Variants in AUTS2 observed in about 807,000 individuals in gnomAD.
The protein encoded by AUTS2 is activator of transcription and developmental regulator AUTS2, also known as autism susceptibility gene 2 protein.
In AUTS2, 17 loss-of-function variants were observed where a neutral mutation model predicts 112.4. The observed-to-expected ratio is 0.15, with a 90% CI of 0.10 to 0.23. The LOEUF (loss-of-function observed/expected upper bound fraction) is 0.23. AUTS2 is among the 10% of genes least tolerant of loss of function. The pLI, the probability that AUTS2 is intolerant of heterozygous loss-of-function variation, is 1.00. For missense variants in AUTS2, 1,510 were observed against 1,701.6 expected (o/e 0.89, Z 1.98); for synonymous variants, 751 against 702.7 (o/e 1.07, Z -1.09).
chr7:69,923,122 A>T (rs552072500), intron 2 of AUTS2, among the ~76,000 whole-genome samples: 1 of 152,296 alleles, frequency 6.6e-6, no homozygotes, highest in South Asian at 2.1e-4. Flanking sequence ...ACTTGACATG[A>T]AGTAGACTGT....
chr7:70,358,093 T>G (rs1377931905), intron 4 of AUTS2, among the ~76,000 whole-genome samples: 1 of 152,214 alleles, frequency 6.6e-6, no homozygotes. Context: ...GACACGATTT[T>G]GGACAACGTT....
At chr7:70,271,829 T>TCTGTAA (rs1172426972) in intron 4 of AUTS2, among the ~76,000 whole-genome samples, 1 of 152,208 alleles carries the variant, frequency 6.6e-6, no homozygotes, top group Non-Finnish European at 1.5e-5. Flanking sequence ...ACATGATAGG[T>TCTGTAA]CTGTAACAAA....
chr7:69,848,506 GCA>G (rs763340121), intron 1 of AUTS2, among the ~76,000 whole-genome samples: 18 of 152,220 alleles, frequency 1.2e-4, no homozygotes, highest in East Asian at 5.8e-4. Flanking sequence ...GTGTGTGTGT[GCA>G]CACACACAGT....
chr7:69,726,553 A>C (rs994670111), intron 1 of AUTS2, among the ~76,000 whole-genome samples: 2 of 151,268 alleles, frequency 1.3e-5, no homozygotes, highest in African/African-American at 4.9e-5. Context: ...TTTTTTTTTA[A>C]CGTAAGTGCC....
Position 70,463,098 on chromosome 7 carries a change from C to G in AUTS2, c.690+27317C>G, listed in dbSNP as rs548335616. On this transcript the variant is annotated intron_variant, in intron 5 of 18. Coordinates refer to ENST00000342771, the MANE Select transcript of AUTS2 (RefSeq NM_015570.4). ...AGAAAGCCGTAGGCCTGTGAGTCTC[C>G]AGATGAAAGGTGGGTTTAGATCTAC... is the stretch of plus-strand genomic sequence containing the variant. Among the ~76,000 whole-genome samples the G allele has an allele frequency of 1.3e-4, 16 of 125,412 alleles. No homozygotes were observed. In the South Asian group the frequency reaches 4.1e-3, roughly 32 times the overall value. 82.3% of individuals were successfully genotyped at this position (125,412 alleles called of 152,430 possible). A position where few individuals can be genotyped will look rare whatever the true frequency, so the allele number is the denominator to read the frequency against.
chr7:69,865,208 G>T (rs73168739), intron 1 of AUTS2, among the ~76,000 whole-genome samples: 15,291 of 151,940 alleles, frequency 0.1, 1,223 homozygotes, highest in African/African-American at 0.22. Flanking sequence ...AGCAAGTGGG[G>T]AGTGGGAGTT....
At chr7:70,197,432 G>A (rs997261730) in intron 4 of AUTS2, among the ~76,000 whole-genome samples, 11 of 147,806 alleles carry the variant, frequency 7.4e-5, no homozygotes, top group Non-Finnish European at 1.3e-4. Flanking sequence ...CTGAGGTACC[G>A]GGTTCATCTC....
chr7:70,583,605 G>A (rs551310369), intron 5 of AUTS2, among the ~76,000 whole-genome samples: 1 of 152,346 alleles, frequency 6.6e-6, no homozygotes, highest in East Asian at 1.9e-4. Context: ...AGAGTCCCCA[G>A]CTCTGGGAGC....
chr7:70,374,076 A>C (rs1792972749), intron 4 of AUTS2, among the ~76,000 whole-genome samples: 1 of 152,178 alleles, frequency 6.6e-6, no homozygotes, highest in Admixed American at 6.5e-5. Context: ...GCAAGTTATA[A>C]ATATATTTTT....
chr7:69,936,225 C>T (rs967508827), intron 2 of AUTS2, among the ~76,000 whole-genome samples: 4 of 152,006 alleles, frequency 2.6e-5, no homozygotes, highest in African/African-American at 9.7e-5. Context: ...GTTTTTCCTC[C>T]AAAGCTTTAG....
intron 2 of AUTS2, among the ~76,000 whole-genome samples, chr7:70,065,285 A>T (rs888637351): frequency 7.2e-5 from 11 of 152,206 alleles, no homozygotes; most frequent in African/African-American, 2.7e-4. Context: ...AAACCAGTGC[A>T]TTACAGTAAC....
intron 3 of AUTS2, among the ~76,000 whole-genome samples, chr7:70,121,376 C>G (rs1006384346): frequency 6.6e-6 from 1 of 151,834 alleles, no homozygotes; most frequent in Non-Finnish European, 1.5e-5. Context: ...CTTCTCACAC[C>G]AAAGAGCATT....
intron 2 of AUTS2, among the ~76,000 whole-genome samples, chr7:69,934,783 A>G (rs1172165303): frequency 6.6e-6 from 1 of 152,144 alleles, no homozygotes; most frequent in South Asian, 2.1e-4. Flanking sequence ...GTCTTGACAG[A>G]TGCTGTCGTT....
At chr7:69,755,783 C>T (rs904569169) in intron 1 of AUTS2, among the ~76,000 whole-genome samples, 1 of 152,044 alleles carries the variant, frequency 6.6e-6, no homozygotes, top group Non-Finnish European at 1.5e-5. Flanking sequence ...TGGATGGACA[C>T]TTTGGGCATG....
intron 5 of AUTS2, among the ~76,000 whole-genome samples, chr7:70,660,576 G>C (rs1807017944): frequency 6.6e-6 from 1 of 152,204 alleles, no homozygotes; most frequent in Non-Finnish European, 1.5e-5. Flanking sequence ...CCCTTCCTTT[G>C]TCTCTTCCCC....
chr7:70,006,907 A>G (rs1046605626), intron 2 of AUTS2, among the ~76,000 whole-genome samples: 4 of 152,046 alleles, frequency 2.6e-5, no homozygotes, highest in South Asian at 4.1e-4. Context: ...TTGCTTCCAT[A>G]AGAATTTGAG....
At chr7:70,625,169 G>T (rs1804873132) in intron 5 of AUTS2, among the ~76,000 whole-genome samples, 1 of 152,118 alleles carries the variant, frequency 6.6e-6, no homozygotes, top group Non-Finnish European at 1.5e-5. Flanking sequence ...TAATGAATTA[G>T]AGATTCTCTT....
chr7:69,964,184 A>C (rs781707602), intron 2 of AUTS2, among the ~76,000 whole-genome samples: 6 of 152,176 alleles, frequency 3.9e-5, no homozygotes, highest in Non-Finnish European at 5.9e-5. Context: ...TCTTCTATGC[A>C]GTGGCATGCT....
chr7:70,035,881 A>T (rs144746902), intron 2 of AUTS2, among the ~76,000 whole-genome samples: 1 of 152,208 alleles, frequency 6.6e-6, no homozygotes, highest in Non-Finnish European at 1.5e-5. Flanking sequence ...TATGTCAACT[A>T]TGAGGCAAGC....
Sources: allele counts gnomAD v4.1 joint callset (sites outside exome capture counted in the v4.1 genomes callset), GRCh38; gene constraint gnomAD v4.1.1; transcripts MANE v1.5; gene names NCBI Gene and HGNC (gene_info 2026-07-23, HGNC 2026-07-21).